CDH2: variants seen among roughly 807,000 people sequenced by gnomAD.
CDH2 encodes the protein cadherin 2, also known as cadherin-2.
In CDH2, 17 loss-of-function variants were observed where a neutral mutation model predicts 92.0. The ratio of observed to expected loss-of-function variants is 0.18; its 90% CI spans 0.13 to 0.28. The LOEUF is 0.28. Ranked by LOEUF, CDH2 falls within the 10% of genes least tolerant of loss-of-function variation. The probability of loss-of-function intolerance (pLI) is 1.00; values close to 1 mark genes in which losing one functional copy is unlikely to be tolerated. For missense variants in CDH2, 862 were observed against 1,133.1 expected (o/e 0.76, Z 3.44); for synonymous variants, 419 against 415.9 (o/e 1.01, Z -0.09).
At chr18:28,057,818 T>C (rs999855368) in intron 2 of CDH2, among the ~76,000 whole-genome samples, 10 of 152,340 alleles carry the variant, frequency 6.6e-5, no homozygotes, top group Non-Finnish European at 1.0e-4. Context: ...GTATTAAGTG[T>C]AGGCTCATGA....
At chr18:28,023,125 C>T (rs976099637) in intron 2 of CDH2, among the ~76,000 whole-genome samples, 2 of 151,864 alleles carry the variant, frequency 1.3e-5, no homozygotes, top group African/African-American at 2.4e-5. Flanking sequence ...AAAGCTCTAG[C>T]GATTTATTTA....
At chr18:28,127,863 C>T (rs2015703461) in intron 2 of CDH2, among the ~76,000 whole-genome samples, 1 of 152,214 alleles carries the variant, frequency 6.6e-6, no homozygotes, top group Non-Finnish European at 1.5e-5. Context: ...TTTATGTGCA[C>T]AGGTATCAAA....
downstream of CDH2, among the ~76,000 whole-genome samples, chr18:27,948,141 T>G (rs2143843812): frequency 6.6e-6 from 1 of 151,298 alleles, no homozygotes; most frequent in South Asian, 2.1e-4. Flanking sequence ...GATATAACTT[T>G]GATATAAGTG....
intron 2 of CDH2, among the ~76,000 whole-genome samples, chr18:28,079,683 C>T (rs1359548064): frequency 6.6e-6 from 1 of 152,150 alleles, no homozygotes; most frequent in Non-Finnish European, 1.5e-5. Flanking sequence ...GCCAACAAGC[C>T]CCTGAGAAGG....
chr18:28,059,570 A>C (rs1029102663), intron 2 of CDH2, among the ~76,000 whole-genome samples: 1 of 152,264 alleles, frequency 6.6e-6, no homozygotes, highest in African/African-American at 2.4e-5. Flanking sequence ...TTTTCTATCC[A>C]TAAATACTGT....
rs142648805 is a variant in CDH2 at position 27,994,159 on chromosome 18, G to A, written c.1021-522C>T. Among the ~76,000 whole-genome samples, 634 of 152,202 alleles carry A rather than the reference G, an allele frequency of 4.2e-3. 10 individuals carry two copies. Among genetic ancestry groups the A allele is most frequent in the African/African-American group, 0.015 (617 of 41,532 alleles). ...GCAATATTTCCCCTTAAATTCTATT[G>A]ATACATATGATTCAAAACCATATAG... On this transcript the variant is annotated intron_variant, in intron 7 of 15. Transcript: ENST00000269141.
chr18:27,965,017 A>C (rs911781684), intron 14 of CDH2, among the ~76,000 whole-genome samples: 8 of 152,344 alleles, frequency 5.3e-5, no homozygotes, highest in African/African-American at 1.7e-4. Context: ...GTCAGGCACT[A>C]TACCAGACTC....
chr18:27,994,391 C>T (rs542646707), intron 7 of CDH2, among the ~76,000 whole-genome samples: 1 of 152,270 alleles, frequency 6.6e-6, no homozygotes, highest in East Asian at 1.9e-4. Flanking sequence ...TATTATTAGA[C>T]AGGCATCCAC....
At chr18:28,109,596 T>C (rs2015378432) in intron 2 of CDH2, among the ~76,000 whole-genome samples, 1 of 152,196 alleles carries the variant, frequency 6.6e-6, no homozygotes, top group Non-Finnish European at 1.5e-5. Context: ...TGCACTGTTA[T>C]TCTCAAAAAC....
At chr18:28,101,496 C>A (rs759006431) in intron 2 of CDH2, among the ~76,000 whole-genome samples, 5 of 152,108 alleles carry the variant, frequency 3.3e-5, no homozygotes, top group Non-Finnish European at 7.4e-5. Flanking sequence ...ACTTATATTT[C>A]TCCAAAAGCC....
chr18:28,031,134 T>C (rs17522708), intron 2 of CDH2, among the ~76,000 whole-genome samples: 14 of 151,518 alleles, frequency 9.2e-5, no homozygotes, highest in African/African-American at 3.4e-4. Context: ...GGAAATCTAA[T>C]AAGCAACTCA....
intron 1 of CDH2, among the ~76,000 whole-genome samples, chr18:28,152,974 G>C (rs1438721391): frequency 6.6e-6 from 1 of 152,172 alleles, no homozygotes; most frequent in African/African-American, 2.4e-5. Context: ...CATGTTTCCA[G>C]CTGAGTGGCT....
At chr18:28,082,275 G>T (rs1299490846) in intron 2 of CDH2, among the ~76,000 whole-genome samples, 1 of 151,948 alleles carries the variant, frequency 6.6e-6, no homozygotes, top group African/African-American at 2.4e-5. Context: ...GCTGAGTGTA[G>T]TGGCTCACAC....
chr18:28,000,911 A>G (rs539050820), intron 7 of CDH2, among the ~76,000 whole-genome samples: 1 of 152,282 alleles, frequency 6.6e-6, no homozygotes, highest in East Asian at 1.9e-4. Flanking sequence ...AAAGAATTTC[A>G]AGTCTGCACG....
intron 5 of CDH2, among the ~76,000 whole-genome samples, chr18:28,006,656 T>C (rs1450694559): frequency 6.8e-6 from 1 of 146,732 alleles, no homozygotes; most frequent in African/African-American, 2.5e-5. Context: ...AACCCGAGGT[T>C]GCAGTGAGCC....
intron 1 of CDH2, among the ~76,000 whole-genome samples, chr18:28,170,249 TATTTCTC>T (rs1208757100): frequency 6.6e-6 from 1 of 152,252 alleles, no homozygotes; most frequent in African/African-American, 2.4e-5. Flanking sequence ...TTTGATTGTA[TATTTCTC>T]AGTTATAGCT....
chr18:27,990,783 G>A (rs1372136866), intron 9 of CDH2, among the ~76,000 whole-genome samples: 1 of 152,126 alleles, frequency 6.6e-6, no homozygotes, highest in Non-Finnish European at 1.5e-5. Context: ...ATGATGAATT[G>A]AAGAAAACAA....
chr18:27,972,354 C>A (rs2011686694), intron 14 of CDH2, among the ~76,000 whole-genome samples: 1 of 152,140 alleles, frequency 6.6e-6, no homozygotes, highest in South Asian at 2.1e-4. Context: ...ACACCTCCTG[C>A]CTGCTACAGA....
intron 2 of CDH2, among the ~76,000 whole-genome samples, chr18:28,127,769 A>G (rs1198965727): frequency 6.6e-6 from 1 of 152,220 alleles, no homozygotes; most frequent in African/African-American, 2.4e-5. Flanking sequence ...ACTCTTTCAT[A>G]AAGGGACACA....
Sources: allele counts gnomAD v4.1 joint callset (sites outside exome capture counted in the v4.1 genomes callset), GRCh38; gene constraint gnomAD v4.1.1; transcripts MANE v1.5; gene names NCBI Gene and HGNC (gene_info 2026-07-23, HGNC 2026-07-21).